Variants in IL1RAPL2 observed in about 807,000 individuals in gnomAD.
IL1RAPL2 encodes the protein interleukin 1 receptor accessory protein like 2, also known as X-linked interleukin-1 receptor accessory protein-like 2.
Under a neutral mutation model 44.1 loss-of-function variants are expected in IL1RAPL2, and 3 were observed. The ratio of observed to expected loss-of-function variants is 0.07; its 90% CI spans 0.03 to 0.18. IL1RAPL2 has a LOEUF of 0.18. IL1RAPL2 is among the 10% of genes least tolerant of loss of function. IL1RAPL2 has a pLI of 1.00. For synonymous variants in IL1RAPL2, 181 were observed against 178.8 expected, an observed-to-expected ratio of 1.01 and a Z score of -0.10; for missense variants, 391 against 496.4, an observed-to-expected ratio of 0.79 and a Z score of 2.02.
At chrX:105,143,086 T>C (rs1316301844) in intron 2 of IL1RAPL2, among the ~76,000 whole-genome samples, 7 of 111,312 alleles carry the variant, frequency 6.3e-5, no homozygotes, top group Non-Finnish European at 1.3e-4. Context: ...CACAATAAAT[T>C]GACAAATGGG....
At chrX:105,739,324 T>A (rs954804985) in intron 7 of IL1RAPL2, among the ~76,000 whole-genome samples, 3 of 108,569 alleles carry the variant, frequency 2.8e-5, no homozygotes, top group Non-Finnish European at 5.7e-5. Flanking sequence ...TCTTTTTTTT[T>A]AATGCCAGAA....
chrX:104,700,588 A>G (rs1442697007), intron 2 of IL1RAPL2, among the ~76,000 whole-genome samples: 1 of 112,056 alleles, frequency 8.9e-6, no homozygotes, highest in Non-Finnish European at 1.9e-5. Context: ...CATTTCTAAA[A>G]GGCAGAGTGA....
At chrX:104,580,298 C>G (rs770928858) in intron 1 of IL1RAPL2, among the ~76,000 whole-genome samples, 2 of 112,485 alleles carry the variant, frequency 1.8e-5, no homozygotes, top group Non-Finnish European at 3.8e-5. Context: ...CATCTGTGTT[C>G]TGTCACAGCT....
At chrX:104,683,904 C>A (rs768863504) in intron 2 of IL1RAPL2, among the ~76,000 whole-genome samples, 1 of 112,028 alleles carries the variant, frequency 8.9e-6, no homozygotes, top group Admixed American at 9.5e-5. Context: ...ATAGACCCTC[C>A]ACCTCACCTA....
At chrX:104,583,326 C>A (rs1293631999) in intron 1 of IL1RAPL2, among the ~76,000 whole-genome samples, 1 of 111,555 alleles carries the variant, frequency 9.0e-6, no homozygotes, top group Non-Finnish European at 1.9e-5. Flanking sequence ...GCAACCATCA[C>A]CACAGTTTTA....
intron 6 of IL1RAPL2, among the ~76,000 whole-genome samples, chrX:105,623,336 C>A (rs1362525344): frequency 9.1e-6 from 1 of 110,063 alleles, no homozygotes; most frequent in African/African-American, 3.3e-5. Flanking sequence ...TGAGGTAACA[C>A]ACACACACAC....
chrX:104,745,094 G>T lies in IL1RAPL2; in HGVS notation c.82+86099G>T, dbSNP rs559805730. 4.3e-4 allele frequency among the ~76,000 whole-genome samples: 48 copies of T among 111,131 alleles called. 1 individual carries two copies. The highest frequency in any genetic ancestry group is 4.6e-3 in the Middle Eastern group (1 of 217). On this transcript the variant is annotated intron_variant, in intron 2 of 10. Transcript: ENST00000372582. Reference sequence around the variant, plus strand: ...CTGTCATTCCATTTTACCAAAGCTGGTGTACTTTGGGATAGTGTGATTGTT... The same window carrying T: ...CTGTCATTCCATTTTACCAAAGCTGTTGTACTTTGGGATAGTGTGATTGTT...
At chrX:105,476,424 AC>A (rs2036197991) in intron 5 of IL1RAPL2, among the ~76,000 whole-genome samples, 1 of 112,148 alleles carries the variant, frequency 8.9e-6, no homozygotes, top group South Asian at 3.7e-4. Flanking sequence ...TGAGGGAGAT[AC>A]ATGTAAAAGT....
At chrX:104,870,532 G>A (rs180680254) in intron 2 of IL1RAPL2, among the ~76,000 whole-genome samples, 2 of 112,030 alleles carry the variant, frequency 1.8e-5, no homozygotes, top group Non-Finnish European at 3.8e-5. Flanking sequence ...GCTCAAATCC[G>A]CAGCATAAAT....
intron 2 of IL1RAPL2, among the ~76,000 whole-genome samples, chrX:104,686,809 G>A (rs958370480): frequency 1.8e-5 from 2 of 112,162 alleles, no homozygotes; most frequent in Non-Finnish European, 3.8e-5. Flanking sequence ...TTAAACCAAC[G>A]TTCTCAAGGA....
At chrX:104,991,083 T>G (rs1165182585) in intron 2 of IL1RAPL2, among the ~76,000 whole-genome samples, 1 of 111,555 alleles carries the variant, frequency 9.0e-6, no homozygotes, top group Non-Finnish European at 1.9e-5. Context: ...GAAGGAATAA[T>G]GCTAGACAGC....
intron 6 of IL1RAPL2, among the ~76,000 whole-genome samples, chrX:105,604,943 T>TAA (rs755244175): frequency 1.8e-5 from 2 of 108,589 alleles, no homozygotes; most frequent in African/African-American, 6.7e-5. Flanking sequence ...GTCTTCATGA[T>TAA]AAAAAAAAAC....
intron 2 of IL1RAPL2, among the ~76,000 whole-genome samples, chrX:104,930,410 A>G (rs1014974279): frequency 8.9e-6 from 1 of 112,046 alleles, no homozygotes; most frequent in Non-Finnish European, 1.9e-5. Context: ...TCTTGTTCAC[A>G]TAGTTGTCAC....
intron 7 of IL1RAPL2, among the ~76,000 whole-genome samples, chrX:105,720,095 AAAAAGCTCAG>A (rs1396339935): frequency 3.6e-5 from 4 of 111,936 alleles, no homozygotes; most frequent in African/African-American, 1.3e-4. Flanking sequence ...TTCCATCACC[AAAAAGCTCAG>A]AGATATGTTT....
intron 2 of IL1RAPL2, among the ~76,000 whole-genome samples, chrX:104,791,581 G>A (rs1405882292): frequency 5.4e-5 from 6 of 111,946 alleles, no homozygotes; most frequent in African/African-American, 1.9e-4. Context: ...AGAACACCAG[G>A]AGAAATGATG....
intron 2 of IL1RAPL2, among the ~76,000 whole-genome samples, chrX:105,024,941 T>C (rs1191632157): frequency 9.1e-6 from 1 of 109,643 alleles, no homozygotes; most frequent in Non-Finnish European, 1.9e-5. Flanking sequence ...TTTTTTTGGA[T>C]AGAAATACAT....
chrX:105,747,531 T>TACACACACACACACACAC (rs2038558161), intron 8 of IL1RAPL2, among the ~76,000 whole-genome samples: 1 of 85,836 alleles, frequency 1.2e-5, no homozygotes, highest in African/African-American at 3.9e-5. Context: ...TATATATATA[T>TACACACACACACACACAC]ATATACACAC....
chrX:105,322,696 G>A (rs1359465681), intron 5 of IL1RAPL2, among the ~76,000 whole-genome samples: 5 of 111,690 alleles, frequency 4.5e-5, no homozygotes, highest in Non-Finnish European at 9.4e-5. Context: ...GTTTTTTAAG[G>A]TTTCGCCTCA....
At chrX:105,427,164 A>G (rs932374465) in intron 5 of IL1RAPL2, among the ~76,000 whole-genome samples, 7 of 111,970 alleles carry the variant, frequency 6.3e-5, no homozygotes, top group Non-Finnish European at 1.3e-4. Flanking sequence ...TGATCATGTC[A>G]TCTTGGATTA....
Sources: allele counts gnomAD v4.1 joint callset (sites outside exome capture counted in the v4.1 genomes callset), GRCh38; gene constraint gnomAD v4.1.1; transcripts MANE v1.5; gene names NCBI Gene and HGNC (gene_info 2026-07-23, HGNC 2026-07-21).